The following USP9X variants were observed in gnomAD, a reference collection of about 807,000 sequenced individuals.
USP9X encodes ubiquitin specific peptidase 9 X-linked.
USP9X carries 7 observed loss-of-function variants against 190.3 expected under a neutral mutation model. The observed-to-expected ratio is 0.04, with a 90% CI of 0.02 to 0.07. The LOEUF (loss-of-function observed/expected upper bound fraction) is 0.07. Ranked by LOEUF, USP9X falls within the 10% of genes least tolerant of loss-of-function variation. The pLI is 1.00. For missense variants in USP9X, 1,010 were observed against 1,916.9 expected (o/e 0.53, Z 8.83); for synonymous variants, 645 against 659.5 (o/e 0.98, Z 0.34).
At chrX:41,109,301 G>A (rs1358534255) in intron 1 of USP9X, among the ~76,000 whole-genome samples, 1 of 111,882 alleles carries the variant, frequency 8.9e-6, no homozygotes, top group Non-Finnish European at 1.9e-5. Context: ...TATTTTTAAT[G>A]TAAAATTACT....
chrX:41,123,183 C>T (rs911117537), intron 1 of USP9X, among the ~76,000 whole-genome samples: 4 of 111,522 alleles, frequency 3.6e-5, no homozygotes, highest in South Asian at 3.7e-4. Context: ...TAGTTTTTGC[C>T]GTTTCTTAAT....
intron 1 of USP9X, among the ~76,000 whole-genome samples, chrX:41,121,257 CT>C (rs910832456): frequency 1.8e-5 from 2 of 111,199 alleles, no homozygotes; most frequent in African/African-American, 6.5e-5. Flanking sequence ...TGTACGTCAA[CT>C]TTTTTTTGAC....
chrX:41,206,073 G>T (rs1294314687), intron 32 of USP9X, among the ~76,000 whole-genome samples: 1 of 109,131 alleles, frequency 9.2e-6, no homozygotes, highest in Non-Finnish European at 1.9e-5. Context: ...TGTATTTTTA[G>T]TGGAGACGGG....
intron 11 of USP9X, among the ~76,000 whole-genome samples, chrX:41,145,074 T>G (rs775127195): frequency 9.0e-6 from 1 of 111,642 alleles, no homozygotes; most frequent in Admixed American, 9.5e-5. Flanking sequence ...TCATGTTGGT[T>G]TTTGAGGCCA....
rs1172334580 is a variant in USP9X, at chrX:41,141,289, A to G, written c.1023-4A>G. The G allele has an allele frequency of 5.8e-6, 7 of 1,197,041 alleles. No individual in the cohort carries two copies. The highest frequency in any genetic ancestry group is 2.3e-4 in the Middle Eastern group (1 of 4,290). Reference sequence around the variant, plus strand: ...TCATACTTATCACTGAATTTTTCTTACAGATTATTGCAAATTTCTTCTTTC... The same window carrying G: ...TCATACTTATCACTGAATTTTTCTTGCAGATTATTGCAAATTTCTTCTTTC... On this transcript the variant is annotated splice_region_variant and splice_polypyrimidine_tract_variant and intron_variant, in intron 8 of 44. Transcript: ENST00000378308.
chrX:41,207,079 C>CTTTTTT (rs34779889), intron 32 of USP9X, among the ~76,000 whole-genome samples: 1 of 30,497 alleles, frequency 3.3e-5, no homozygotes, highest in Non-Finnish European at 5.1e-5. Context: ...GCTCCCTGGC[C>CTTTTTT]TTTTTTTTTT....
chrX:41,125,811 T>C (rs1189123593), intron 2 of USP9X, among the ~76,000 whole-genome samples: 1 of 110,620 alleles, frequency 9.0e-6, no homozygotes, highest in Non-Finnish European at 1.9e-5. Flanking sequence ...AAATGGAAAT[T>C]TAGATAATTG....
intron 14 of USP9X, among the ~76,000 whole-genome samples, chrX:41,160,329 T>G (rs1270173033): frequency 9.2e-6 from 1 of 109,209 alleles, no homozygotes. Context: ...TACATATATA[T>G]ATATATAAAT....
At chrX:41,167,634 C>A in intron 17 of USP9X, 57 bp downstream of exon 17, 2 of 904,629 alleles carry the variant, frequency 2.2e-6, no homozygotes, top group South Asian at 2.5e-5. Context: ...CCCCATTTCT[C>A]TTATACAAAA....
At chrX:41,152,454 A>G (rs776395376) in intron 13 of USP9X, among the ~76,000 whole-genome samples, 1 of 111,445 alleles carries the variant, frequency 9.0e-6, no homozygotes, top group Non-Finnish European at 1.9e-5. Context: ...AGCAAAACAG[A>G]TGAGTCTTTG....
intron 5 of USP9X, 94 bp downstream of exon 5, chrX:41,134,931 T>C: frequency 1.5e-6 from 1 of 668,674 alleles, no homozygotes; most frequent in Non-Finnish European, 2.2e-6. Flanking sequence ...GTTATATTTA[T>C]TCTGTTATAA....
chrX:41,198,449 T>C, intron 29 of USP9X, 79 bp from the exon 30 acceptor site: 1 of 683,343 alleles, frequency 1.5e-6, no homozygotes, highest in South Asian at 4.0e-5. Flanking sequence ...AATTTTAAAA[T>C]GATTTACTTA....
At chrX:41,219,504 A>G (rs1443979118) in intron 38 of USP9X, among the ~76,000 whole-genome samples, 1 of 108,192 alleles carries the variant, frequency 9.2e-6, no homozygotes, top group African/African-American at 3.4e-5. Flanking sequence ...TTTGGAAAAT[A>G]CTGGTTTCTA....
intron 13 of USP9X, among the ~76,000 whole-genome samples, chrX:41,151,322 A>T (rs1408053736): frequency 1.8e-5 from 2 of 111,841 alleles, no homozygotes; most frequent in East Asian, 5.6e-4. Flanking sequence ...TATTATATAC[A>T]TACTATATTT....
rs1357063666 is a variant in USP9X, at chrX:41,168,225, G to C, written c.2636+7G>C. The C allele has an allele frequency of 1.7e-6, 2 of 1,167,684 alleles. No individual in the cohort carries two copies. The highest frequency in any genetic ancestry group is 2.3e-6 in the Non-Finnish European group (2 of 865,952). On this transcript the variant is annotated splice_region_variant and intron_variant, in intron 18 of 44. Transcript: ENST00000378308. ...CAATTCTCCCTATGTCGAGGTTTGT[G>C]AATAACTAATCTATTGGTGCTAATT... is the stretch of plus-strand genomic sequence containing the variant.
chrX:41,122,669 T>G (rs2062200776), intron 1 of USP9X, among the ~76,000 whole-genome samples: 1 of 112,157 alleles, frequency 8.9e-6, no homozygotes, highest in Admixed American at 9.4e-5. Flanking sequence ...AGAGTCAGTG[T>G]GACAGCCTTT....
chrX:41,104,573 TC>T (rs1453938244), intron 1 of USP9X, among the ~76,000 whole-genome samples: 1 of 111,492 alleles, frequency 9.0e-6, no homozygotes, highest in Non-Finnish European at 1.9e-5. Flanking sequence ...AGAATAATTT[TC>T]CTCTGGGCTG....
At chrX:41,125,684 A>ACACACACACACACACCCTCT in intron 2 of USP9X, among the ~76,000 whole-genome samples, 1 of 19,026 alleles carries the variant, frequency 5.3e-5, no homozygotes, top group Non-Finnish European at 9.0e-5. Context: ...ACACACACAC[A>ACACACACACACACACCCTCT]CTCTCTCTCT....
In USP9X at chrX:41,197,619, TTTCTC is replaced by T. The variant is rs988215950; in HGVS notation, c.4380+112_4380+116del. On this transcript the variant is annotated intron_variant, in intron 29 of 44. Transcript: ENST00000378308. The stretch of plus-strand genomic sequence containing the variant: ...TCATGTCTTTGTACTTTCTTGATCT[TTTCTC>T]TTTTTTAAGAATCTTTATCAAATTT... 10 of 704,969 alleles carry T rather than the reference TTTCTC, an allele frequency of 1.4e-5. No homozygotes were observed. In the East Asian group the frequency reaches 2.1e-4, roughly 15 times the overall value. The allele number at this position is 704,969 out of a possible 1,213,427, so 58.1% of individuals were successfully genotyped here. A position where few individuals can be genotyped will look rare whatever the true frequency, so the allele number is the denominator to read the frequency against.
Sources: allele counts gnomAD v4.1 joint callset (sites outside exome capture counted in the v4.1 genomes callset), GRCh38; gene constraint gnomAD v4.1.1; transcripts MANE v1.5; gene names NCBI Gene and HGNC (gene_info 2026-07-23, HGNC 2026-07-21).